Variants in SOS1 observed in about 807,000 individuals in gnomAD.
SOS1 encodes the protein son of sevenless homolog 1.
A neutral mutation model predicts 157.6 loss-of-function variants in SOS1; 25 were observed. That is an observed-to-expected ratio of 0.16 (90% CI 0.12 to 0.22). SOS1 has a LOEUF of 0.22. Ranked by LOEUF, SOS1 falls within the 10% of genes least tolerant of loss-of-function variation. The pLI, the probability that SOS1 is intolerant of heterozygous loss-of-function variation, is 1.00. For synonymous variants in SOS1, 528 were observed against 534.0 expected (o/e 0.99, Z 0.16); for missense variants, 1,237 against 1,599.1 (o/e 0.77, Z 3.86).
intron 8 of SOS1, among the ~76,000 whole-genome samples, chr2:39,031,069 GAT>G (rs1353837386): frequency 6.6e-6 from 1 of 152,012 alleles, no homozygotes; most frequent in African/African-American, 2.4e-5. Context: ...CCCACACCCT[GAT>G]TTCAGATTCC....
At chr2:39,044,411 T>C (rs1264927328) in intron 6 of SOS1, among the ~76,000 whole-genome samples, 1 of 152,224 alleles carries the variant, frequency 6.6e-6, no homozygotes, top group Non-Finnish European at 1.5e-5. Flanking sequence ...TTACATATTA[T>C]TCTCTTAGGT....
At chr2:39,044,723 G>A (rs192138828) in intron 6 of SOS1, among the ~76,000 whole-genome samples, 17 of 152,276 alleles carry the variant, frequency 1.1e-4, no homozygotes, top group Non-Finnish European at 2.1e-4. Flanking sequence ...GTATATATGG[G>A]TTCCACAGGG....
intron 1 of SOS1, among the ~76,000 whole-genome samples, chr2:39,068,627 G>C (rs996542563): frequency 2.0e-5 from 3 of 151,934 alleles, no homozygotes; most frequent in African/African-American, 7.3e-5. Context: ...ATTTGTAACT[G>C]TCTATACTTC....
intron 20 of SOS1, among the ~76,000 whole-genome samples, chr2:38,991,255 C>T (rs183195171): frequency 6.6e-6 from 1 of 151,968 alleles, no homozygotes; most frequent in East Asian, 1.9e-4. Flanking sequence ...TAGATAACTT[C>T]TTAAACTCAC....
chr2:39,123,501 G>A (rs1373386400), upstream of SOS1, among the ~76,000 whole-genome samples: 2 of 152,040 alleles, frequency 1.3e-5, no homozygotes, highest in Non-Finnish European at 2.9e-5. Flanking sequence ...GGGACTACAG[G>A]CGCACGCCAC....
chr2:38,991,625 C>T (rs1668736296), intron 20 of SOS1, among the ~76,000 whole-genome samples: 1 of 152,230 alleles, frequency 6.6e-6, no homozygotes, highest in Non-Finnish European at 1.5e-5. Context: ...GTATGTGTGG[C>T]AGCACTAAGT....
intron 8 of SOS1, among the ~76,000 whole-genome samples, chr2:39,024,670 TG>T (rs1486838274): frequency 6.6e-6 from 1 of 152,148 alleles, no homozygotes; most frequent in East Asian, 1.9e-4. Context: ...GCAAGTCACT[TG>T]ATCTCTGAGT....
intron 1 of SOS1, among the ~76,000 whole-genome samples, chr2:39,079,052 C>T (rs376364302): frequency 9.9e-4 from 106 of 106,884 alleles, no homozygotes; most frequent in African/African-American, 4.1e-3. Context: ...AAGAGGGAGA[C>T]TCTGTCTCCC....
At position 39,051,457 on chromosome 2, in the gene SOS1, A is replaced by G. The variant is rs1671014160; in HGVS notation, c.721-170T>C. ...AGGACAATTCAAGAATTCCTTCTGC[A>G]AAGGTGTACAATTTGCAAATACATT... is the stretch of plus-strand genomic sequence containing the variant. On this transcript the variant is annotated intron_variant, in intron 5 of 22. Transcript: ENST00000402219. The G allele has an allele frequency of 6.6e-6, 4 of 608,178 alleles. No homozygotes were observed. The Admixed American group carries it at 8.2e-5, about 12-fold the overall frequency. 37.7% of individuals were successfully genotyped at this position (608,178 alleles called of 1,614,324 possible).
intron 1 of SOS1, among the ~76,000 whole-genome samples, chr2:39,097,893 A>C (rs563832357): frequency 9.8e-5 from 15 of 152,314 alleles, no homozygotes; most frequent in Admixed American, 9.2e-4. Flanking sequence ...TGATTAAAAC[A>C]GTTTAAGTGC....
intron 1 of SOS1, among the ~76,000 whole-genome samples, chr2:39,113,411 T>C (rs1469877895): frequency 6.6e-6 from 1 of 151,546 alleles, no homozygotes; most frequent in Admixed American, 6.6e-5. Context: ...TGGCCTAGGC[T>C]GTTCTCAAAC....
At position 39,057,691 on chromosome 2, in the gene SOS1, A is replaced by G. The variant is rs139182214; in HGVS notation, c.346-825T>C. Among the ~76,000 whole-genome samples the G allele has an allele frequency of 1.1e-3, 163 of 152,202 alleles. 1 individual carries two copies. In the East Asian group the frequency reaches 0.029, roughly 27 times the overall value. On this transcript the variant is annotated intron_variant, in intron 3 of 22. Coordinates refer to ENST00000402219, the MANE Select transcript of SOS1 (RefSeq NM_005633.4). ...CTCAAAATTTAGGATTATTAACATA[A>G]TATTTATATACCTCAATTTGTTAAT...
intron 4 of SOS1, among the ~76,000 whole-genome samples, chr2:39,055,375 C>T (rs1370719537): frequency 6.6e-6 from 1 of 151,856 alleles, no homozygotes; most frequent in Non-Finnish European, 1.5e-5. Context: ...ATCTTGTGTG[C>T]TTTCTGATTG....
At chr2:39,059,696 T>C (rs981919775) in intron 2 of SOS1, among the ~76,000 whole-genome samples, 2 of 151,884 alleles carry the variant, frequency 1.3e-5, no homozygotes, top group African/African-American at 4.8e-5. Flanking sequence ...AAATGGAAAA[T>C]TAAAAAAGTG....
chr2:39,094,935 T>G (rs1378566984), intron 1 of SOS1, among the ~76,000 whole-genome samples: 1 of 152,144 alleles, frequency 6.6e-6, no homozygotes, highest in Non-Finnish European at 1.5e-5. Context: ...TCAAAACTTT[T>G]AGATGGAGAG....
chr2:39,090,330 G>T (rs765411585), intron 1 of SOS1, among the ~76,000 whole-genome samples: 4 of 152,052 alleles, frequency 2.6e-5, no homozygotes, highest in Non-Finnish European at 4.4e-5. Context: ...TCTCTTCTTT[G>T]TGGGGGCTGG....
Position 38,985,769 on chromosome 2 carries a change from C to T in SOS1, c.*55G>A. On this transcript the variant is annotated 3_prime_UTR_variant, in exon 23 of 23. Transcript: ENST00000402219. ...TCAGTGCTGGCACATTCAGTGCATCCATTGCCAGCAATGGATTTGGGGCTA... is the reference window on the plus strand; with the variant it reads ...TCAGTGCTGGCACATTCAGTGCATCTATTGCCAGCAATGGATTTGGGGCTA... 1 of 1,605,930 alleles carries T rather than the reference C, an allele frequency of 6.2e-7. No homozygotes were observed. The highest frequency in any genetic ancestry group is 1.7e-5 in the Admixed American group (1 of 59,922).
In SOS1 at chr2:39,005,138, G is replaced by C. The variant is rs925941460; in HGVS notation, c.2791+1274C>G. On this transcript the variant is annotated intron_variant, in intron 17 of 22. Coordinates refer to ENST00000402219, the MANE Select transcript of SOS1 (RefSeq NM_005633.4). ...CATATACACATACATACATACGTAT[G>C]AGCTTAATTTATAAATTAGGCACAG... is the stretch of plus-strand genomic sequence containing the variant. Among the ~76,000 whole-genome samples, 4 of 152,200 alleles carry C rather than the reference G, an allele frequency of 2.6e-5. No homozygotes were observed. In the South Asian group the frequency reaches 8.3e-4, roughly 32 times the overall value.
chr2:39,124,291 C>G (rs1028599764), upstream of SOS1: 2 of 152,436 alleles, frequency 1.3e-5, no homozygotes, highest in Non-Finnish European at 2.9e-5. Context: ...CCCGCGCCAG[C>G]CCCTCAGCTT....
Sources: gnomAD v4.1 joint callset for allele counts (sites outside exome capture counted in the v4.1 genomes callset) on GRCh38, gnomAD v4.1.1 for gene constraint, MANE v1.5 for transcripts, NCBI Gene and HGNC (gene_info 2026-07-23, HGNC 2026-07-21) for gene names.